Variants in FBXO41 observed in about 807,000 individuals in gnomAD.
The protein encoded by FBXO41 is F-box protein 41, also known as F-box only protein 41.
In FBXO41, 33 loss-of-function variants were observed where a neutral mutation model predicts 81.6. The ratio of observed to expected loss-of-function variants is 0.40; its 90% CI spans 0.31 to 0.54. The LOEUF (loss-of-function observed/expected upper bound fraction) is 0.54, where lower values mean the gene tolerates loss of function less well. Among genes scored for constraint, FBXO41 ranks in the 20% least tolerant of loss-of-function variants. FBXO41 has a pLI of 0.39. For synonymous variants in FBXO41, 576 were observed against 552.7 expected (o/e 1.04, Z -0.59); for missense variants, 1,107 against 1,236.0 (o/e 0.90, Z 1.56).
intron 1 of FBXO41, among the ~76,000 whole-genome samples, chr2:73,276,595 A>AGAGAGG (rs1688693025): frequency 7.9e-6 from 1 of 126,352 alleles, no homozygotes; most frequent in Non-Finnish European, 1.6e-5. Context: ...AGAGAGAGAG[A>AGAGAGG]GAGAGAGAGG....
At position 73,260,397 on chromosome 2, in the gene FBXO41, T is replaced by G; in HGVS notation, c.2441A>C (p.His814Pro). 2 of 1,612,724 alleles carry G rather than the reference T, an allele frequency of 1.2e-6. No individual in the cohort carries two copies. The highest frequency in any genetic ancestry group is 1.7e-6 in the Non-Finnish European group (2 of 1,179,430). ...ATPVTPKALL[H>P]FNSICRNLKS... is the part of the protein sequence containing the mutation. ...ATTCCCCCAGTGCTCACTGTTGAAG[T>G]GCAGTAGGGCCTTAGGGGTGACGGG... Residue 814 changes from histidine (H) to proline (P), a missense_variant, in exon 11 of 13, where the codon CAC becomes CCC. Physicochemically the swap from His to Pro is moderately conservative, Grantham distance 77. This residue lies in a region of FBXO41 where 336 missense variants were observed against 446.7 expected (regional missense o/e 0.75). Coordinates refer to ENST00000520530, the MANE Select transcript of FBXO41 (RefSeq NM_001371389.2). This position sits in a 1 kb window ranked among gnomAD's most constrained non-coding sequence, Gnocchi z 5.0.
rs779934544 is a variant in FBXO41, at chr2:73,259,161, C to A, written c.2565+20G>T. Reference sequence around the variant, plus strand: ...GGATGCCACTTGGGGTCTTGGACAGCCTCAGAGCTGACCCCTCACCTGGAG... The same window carrying A: ...GGATGCCACTTGGGGTCTTGGACAGACTCAGAGCTGACCCCTCACCTGGAG... On this transcript the variant is annotated intron_variant, in intron 12 of 12. Transcript: ENST00000520530. This position sits in a 1 kb window ranked among gnomAD's most constrained non-coding sequence, Gnocchi z 4.2. 2 of 1,613,712 alleles carry A rather than the reference C, an allele frequency of 1.2e-6. No homozygotes were observed. The highest frequency in any genetic ancestry group is 2.2e-5 in the East Asian group (1 of 44,884).
intron 2 of FBXO41, 65 bp downstream of exon 2, chr2:73,268,658 CGGT>C (rs1185610807): frequency 3.5e-5 from 49 of 1,408,260 alleles, no homozygotes; most frequent in African/African-American, 7.2e-5. Context: ...GGCACGCCCA[CGGT>C]GGTGGTGGTG....
chr2:73,269,298 G>A lies in FBXO41; in HGVS notation c.333C>T (p.His111=). ...AAPHLLHHHH[H]HAPLAHFPGD... ...CGGGGAAGTGGGCGAGGGGAGCGTG[G>A]TGATGGTGGTGGTGCAGCAGGTGCG... The change falls in exon 2 of 13, where the codon CAC becomes CAT. Residue 111 remains histidine (H), a synonymous_variant. Coordinates refer to ENST00000520530, the MANE Select transcript of FBXO41 (RefSeq NM_001371389.2). The surrounding 1 kb of genome is among the most constrained non-coding windows in gnomAD (Gnocchi z 7.0). 6.5e-7 allele frequency: 1 copy of A among 1,530,570 alleles called. No individual in the cohort carries two copies. Among genetic ancestry groups the A allele is most frequent in the Non-Finnish European group, 8.8e-7 (1 of 1,138,950 alleles). 94.8% of individuals were successfully genotyped at this position (1,530,570 alleles called of 1,614,324 possible).
intron 1 of FBXO41, among the ~76,000 whole-genome samples, chr2:73,279,459 G>A (rs1688787401): frequency 6.6e-6 from 1 of 152,192 alleles, no homozygotes; most frequent in Non-Finnish European, 1.5e-5. Flanking sequence ...GGAGCTGGGG[G>A]AAAAGATGGA....
At chr2:73,283,159 A>G (rs1386018924) in intron 1 of FBXO41, among the ~76,000 whole-genome samples, 1 of 152,126 alleles carries the variant, frequency 6.6e-6, no homozygotes, top group East Asian at 1.9e-4. Context: ...AGTTGTCCCC[A>G]TTATACCCCT....
At chr2:73,264,213 C>T (rs919739443) in intron 6 of FBXO41, 65 bp downstream of exon 6, 2 of 1,606,680 alleles carry the variant, frequency 1.2e-6, no homozygotes, top group Non-Finnish European at 1.7e-6. Context: ...CTCAAGGGGC[C>T]AGATTCTACC....
Position 73,258,811 on chromosome 2 carries a change from G to A in FBXO41, c.*171C>T. The A allele has an allele frequency of 1.4e-6, 1 of 730,514 alleles. No individual in the cohort carries two copies. Among genetic ancestry groups the A allele is most frequent in the Non-Finnish European group, 2.2e-6 (1 of 459,052 alleles). 45.3% of individuals were successfully genotyped at this position (730,514 alleles called of 1,614,324 possible). On this transcript the variant is annotated 3_prime_UTR_variant, in exon 13 of 13. Transcript: ENST00000520530. ...CTGGGGAGGCAGTGCCCTGGGTCAG[G>A]CCTGTTGCTCTGCTGCTCCAGGAGG...
intron 5 of FBXO41, 56 bp downstream of exon 5, chr2:73,265,226 C>T: frequency 6.8e-7 from 1 of 1,479,494 alleles, no homozygotes; most frequent in South Asian, 1.3e-5. Flanking sequence ...GTGCAGGAGC[C>T]CAGGAGATTC....
intron 9 of FBXO41, among the ~76,000 whole-genome samples, chr2:73,261,126 G>A (rs761358045): frequency 2.0e-5 from 3 of 151,192 alleles, no homozygotes; most frequent in Non-Finnish European, 4.4e-5. Context: ...GTGCAATTTC[G>A]GCTCACTGCA....
rs999146547 is a variant in FBXO41 at position 73,264,435 on chromosome 2, A to G, written c.1649T>C (p.Ile550Thr). 6.2e-7 allele frequency: 1 copy of G among 1,613,928 alleles called. No individual in the cohort carries two copies. Among genetic ancestry groups the G allele is most frequent in the Middle Eastern group, 1.6e-4 (1 of 6,062 alleles). ...SRSNEVISPE[I>T]LKMRAALFCI... ...GAAGAGGGCAGCTCGCATCTTCAGG[A>G]TCTCTGGGCTGATGACCTCATTGGA... Residue 550 changes from isoleucine (I) to threonine (T), a missense_variant, in exon 6 of 13, where the codon ATC becomes ACC. Around this residue, in one of 2 missense-constraint regions of FBXO41, gnomAD observed 336 missense variants for 446.7 expected, o/e 0.75. Coordinates refer to ENST00000520530, the MANE Select transcript of FBXO41 (RefSeq NM_001371389.2).
chr2:73,262,717 C>G (rs1688061626), intron 9 of FBXO41, among the ~76,000 whole-genome samples: 1 of 152,116 alleles, frequency 6.6e-6, no homozygotes, highest in South Asian at 2.1e-4. Flanking sequence ...CAGGACATGA[C>G]CCCAGGTCTG....
rs1424317743 is a variant in FBXO41 at position 73,260,467 on chromosome 2, G to A, written c.2371C>T (p.Arg791Trp). The A allele has an allele frequency of 1.1e-5, 18 of 1,606,520 alleles. No homozygotes were observed. Among genetic ancestry groups the A allele is most frequent in the East Asian group, 9.0e-5 (4 of 44,508 alleles). The change falls in exon 11 of 13, where the codon CGG becomes TGG. Residue 791 changes from arginine to tryptophan, a missense_variant. Physicochemically the swap from Arg to Trp is moderately radical, Grantham distance 101 (BLOSUM62 -3). Coordinates refer to ENST00000520530, the MANE Select transcript of FBXO41 (RefSeq NM_001371389.2). The surrounding 1 kb of genome is among the most constrained non-coding windows in gnomAD (Gnocchi z 5.0). Reference sequence around the variant, plus strand: ...ATCTCCAGTCCCTTCAGGCCTTCCCGGCAGACCTCTGCTGCCACCTCCTGG... The same window carrying A: ...ATCTCCAGTCCCTTCAGGCCTTCCCAGCAGACCTCTGCTGCCACCTCCTGG... ...ITQEVAAEVC[R>W]EGLKGLEMLV...
rs1688113516 is a variant in FBXO41, at chr2:73,263,776, C to G, written c.1977G>C (p.Leu659=). The stretch of plus-strand genomic sequence containing the variant: ...GACAGTGGGAGATGCGCAGGATCAG[C>G]AGGTTCCCCCCAGCTGCCTTCAGCA... ...ESLLKAAGGN[L]LILRISHCPN... is the part of the protein sequence containing the mutation. The change falls in exon 8 of 13, where the codon CTG becomes CTC. Residue 659 remains leucine (L), a synonymous_variant. Transcript: ENST00000520530. The G allele has an allele frequency of 6.2e-7, 1 of 1,613,926 alleles. No individual in the cohort carries two copies. The highest frequency in any genetic ancestry group is 8.5e-7 in the Non-Finnish European group (1 of 1,179,912).
intron 8 of FBXO41, 117 bp downstream of exon 8, chr2:73,263,561 A>G: frequency 3.7e-6 from 5 of 1,339,076 alleles, no homozygotes; most frequent in Non-Finnish European, 5.1e-6. Flanking sequence ...TCCTTCAGCC[A>G]TAGAGCTCTT....
rs370911375 is a variant in FBXO41, at chr2:73,265,946, C to T, written c.1152G>A (p.Pro384=). The part of the protein sequence containing the change: ...PGRMREHHVG[P]AVPNTYAVSR... ...ACACTGCATATGTGTTAGGCACGGC[C>T]GGGCCCACGTGGTGTTCTCGCTGTG... Residue 384 remains proline (P), a synonymous_variant, in exon 4 of 13, where the codon CCG becomes CCA. Transcript: ENST00000520530. The T allele has an allele frequency of 5.7e-5, 90 of 1,579,886 alleles. No individual in the cohort carries two copies. The highest frequency in any genetic ancestry group is 3.3e-4 in the Middle Eastern group (2 of 6,014).
intron 1 of FBXO41, among the ~76,000 whole-genome samples, chr2:73,277,647 CT>C (rs1049437144): frequency 1.3e-3 from 194 of 145,170 alleles, no homozygotes; most frequent in Non-Finnish European, 1.2e-3. Context: ...ATCAGAGGTA[CT>C]TTTTTTTTTT....
Position 73,255,389 on chromosome 2 carries a change from TAC to T in FBXO41, c.*3591_*3592del, listed in dbSNP as rs571619716. 3 of 152,542 alleles carry T rather than the reference TAC, an allele frequency of 2.0e-5. No individual in the cohort carries two copies. Among genetic ancestry groups the T allele is most frequent in the Non-Finnish European group, 4.4e-5 (3 of 68,102 alleles). The allele number at this position is 152,542 out of a possible 1,614,324, so 9.4% of individuals were successfully genotyped here. Reference sequence around the variant, plus strand: ...ACACACTTGTCCAGGAATACATACATACACACAATACACAGCAATATATACAG... The same window carrying T: ...ACACACTTGTCCAGGAATACATACATACACAATACACAGCAATATATACAG... On this transcript the variant is annotated 3_prime_UTR_variant, in exon 13 of 13. Transcript: ENST00000520530.
rs1687968612 is a variant in FBXO41 at position 73,260,464 on chromosome 2, C to T, written c.2374G>A (p.Glu792Lys). The change falls in exon 11 of 13, where the codon GAA (glutamate) becomes AAA (lysine). Residue 792 changes from glutamate to lysine, a missense_variant. By Grantham distance (56) the Glu-to-Lys change is moderately conservative. Transcript: ENST00000520530. The surrounding 1 kb of genome is among the most constrained non-coding windows in gnomAD (Gnocchi z 5.0). ...AGCATCTCCAGTCCCTTCAGGCCTTCCCGGCAGACCTCTGCTGCCACCTCC... is the reference window on the plus strand; with the variant it reads ...AGCATCTCCAGTCCCTTCAGGCCTTTCCGGCAGACCTCTGCTGCCACCTCC... ...TQEVAAEVCR[E>K]GLKGLEMLVL... 1 of 1,607,164 alleles carries T rather than the reference C, an allele frequency of 6.2e-7. No homozygotes were observed. The highest frequency in any genetic ancestry group is 8.5e-7 in the Non-Finnish European group (1 of 1,176,954).
Sources: allele counts gnomAD v4.1 joint callset (sites outside exome capture counted in the v4.1 genomes callset), GRCh38; gene constraint gnomAD v4.1.1; regional missense constraint gnomAD v4.1.1; non-coding constraint Gnocchi (gnomAD v3.1); transcripts MANE v1.5; gene names NCBI Gene and HGNC (gene_info 2026-07-23, HGNC 2026-07-21).